L3MBTL3: variants seen among roughly 807,000 people sequenced by gnomAD.
L3MBTL3 encodes L3MBTL histone methyl-lysine binding protein 3, also known as lethal(3)malignant brain tumor-like protein 3.
In L3MBTL3, 27 loss-of-function variants were observed where a neutral mutation model predicts 102.3. That is an observed-to-expected ratio of 0.26 (90% confidence interval 0.19 to 0.36). The LOEUF (loss-of-function observed/expected upper bound fraction) is 0.36, where lower values mean the gene tolerates loss of function less well. L3MBTL3 is among the 10% of genes least tolerant of loss of function. The pLI, the probability that L3MBTL3 is intolerant of heterozygous loss-of-function variation, is 1.00. For missense variants in L3MBTL3, 798 were observed against 955.3 expected (o/e 0.84, Z 2.17); for synonymous variants, 340 against 320.9 (o/e 1.06, Z -0.64).
At chr6:130,112,776 G>T (rs1785435700) in intron 19 of L3MBTL3, among the ~76,000 whole-genome samples, 1 of 152,130 alleles carries the variant, frequency 6.6e-6, no homozygotes, top group Non-Finnish European at 1.5e-5. Flanking sequence ...ACAGAGACTT[G>T]TCAAATGGGT....
Position 130,049,411 on chromosome 6 carries a change from G to A in L3MBTL3, c.214+18G>A, listed in dbSNP as rs371051922. ...TCAAGAAGGTAAGGATGGGTCATCT[G>A]CATTTTATTTCTTGCTTTTGAAAGA... On this transcript the variant is annotated intron_variant, in intron 4 of 22. Coordinates refer to ENST00000361794, the MANE Select transcript of L3MBTL3 (RefSeq NM_032438.4). 3.1e-5 allele frequency: 43 copies of A among 1,396,890 alleles called. No homozygotes were observed. The African/African-American group carries it at 5.5e-4, about 18-fold the overall frequency. 86.5% of individuals were successfully genotyped at this position (1,396,890 alleles called of 1,614,324 possible). A position where few individuals can be genotyped will look rare whatever the true frequency, so the allele number is the denominator to read the frequency against.
rs566848745 is a variant in L3MBTL3 at position 130,051,318 on chromosome 6, G to T, written c.359G>T (p.Cys120Phe). The T allele has an allele frequency of 1.2e-6, 2 of 1,612,556 alleles. No individual in the cohort carries two copies. The highest frequency in any genetic ancestry group is 1.3e-5 in the African/African-American group (1 of 75,002). Residue 120 changes from cysteine (C) to phenylalanine (F), a missense_variant, in exon 6 of 23, where the codon TGT (cysteine) becomes TTT (phenylalanine). Around this residue, in one of 4 missense-constraint regions of L3MBTL3, gnomAD observed 434 missense variants for 506.6 expected, o/e 0.86. Transcript: ENST00000361794. ...GTGAAAGTAGAAGGGCTTCAGTTCT[G>T]TGAGAACTGTTGTCAGTATGGCAAC... ...DPVKVEGLQF[C>F]ENCCQYGNVD...
intron 2 of L3MBTL3, among the ~76,000 whole-genome samples, chr6:130,035,674 G>C (rs1780013703): frequency 6.6e-6 from 1 of 152,174 alleles, no homozygotes; most frequent in African/African-American, 2.4e-5. Context: ...CAATGCCTTT[G>C]GTTGCAGCCA....
chr6:130,123,422 A>T (rs1478691002), intron 20 of L3MBTL3, among the ~76,000 whole-genome samples: 1 of 151,896 alleles, frequency 6.6e-6, no homozygotes, highest in African/African-American at 2.4e-5. Context: ...TTATTGTCTT[A>T]CTTTTTGTTA....
At chr6:130,098,531 C>T (rs1287351246) in intron 18 of L3MBTL3, among the ~76,000 whole-genome samples, 1 of 152,148 alleles carries the variant, frequency 6.6e-6, no homozygotes, top group African/African-American at 2.4e-5. Context: ...GTTCTTTTTA[C>T]ACAATAGGGG....
At chr6:130,068,242 G>A (rs1782393713) in intron 11 of L3MBTL3, 88 bp from the exon 12 acceptor site, 3 of 647,588 alleles carry the variant, frequency 4.6e-6, no homozygotes, top group Non-Finnish European at 5.6e-6. Context: ...GATTGATTTT[G>A]GCATGTTAGA....
intron 19 of L3MBTL3, among the ~76,000 whole-genome samples, chr6:130,113,645 A>G (rs1356775352): frequency 6.6e-6 from 1 of 152,242 alleles, no homozygotes; most frequent in East Asian, 1.9e-4. Context: ...CAGTCTGTTC[A>G]GTTCATTATA....
intron 2 of L3MBTL3, among the ~76,000 whole-genome samples, chr6:130,038,780 C>G (rs1780222776): frequency 6.6e-6 from 1 of 151,876 alleles, no homozygotes; most frequent in Non-Finnish European, 1.5e-5. Flanking sequence ...TTCGTATAAT[C>G]CCAGTTGTCT....
chr6:130,031,241 A>G (rs1379045157), intron 2 of L3MBTL3, among the ~76,000 whole-genome samples: 1 of 152,236 alleles, frequency 6.6e-6, no homozygotes, highest in Non-Finnish European at 1.5e-5. Flanking sequence ...AAGCAGGTTC[A>G]GACTGGGAGC....
At chr6:130,082,497 C>T (rs188614603) in intron 14 of L3MBTL3, among the ~76,000 whole-genome samples, 258 of 152,214 alleles carry the variant, frequency 1.7e-3, no homozygotes, top group Middle Eastern at 0.014. Flanking sequence ...CATTATATAT[C>T]TTCATATTCA....
intron 13 of L3MBTL3, among the ~76,000 whole-genome samples, chr6:130,073,581 T>G (rs929486786): frequency 2.0e-5 from 3 of 152,176 alleles, no homozygotes; most frequent in African/African-American, 7.2e-5. Context: ...CTCATAAGTA[T>G]TACAGTGTTT....
chr6:130,019,730 T>G (rs897764850), intron 1 of L3MBTL3, among the ~76,000 whole-genome samples: 1 of 150,936 alleles, frequency 6.6e-6, no homozygotes. Flanking sequence ...GAGAATTTCA[T>G]ATAGATCAGC....
At chr6:130,082,782 G>A (rs1273877382) in intron 14 of L3MBTL3, among the ~76,000 whole-genome samples, 1 of 152,102 alleles carries the variant, frequency 6.6e-6, no homozygotes, top group African/African-American at 2.4e-5. Flanking sequence ...ATATAGCTAG[G>A]AAATACATGT....
At chr6:130,083,409 A>G (rs925340540) in intron 14 of L3MBTL3, among the ~76,000 whole-genome samples, 3 of 151,900 alleles carry the variant, frequency 2.0e-5, no homozygotes, top group African/African-American at 7.2e-5. Flanking sequence ...ATATATCTAT[A>G]AAATTTTCAT....
chr6:130,128,264 C>A (rs146554612), intron 20 of L3MBTL3, among the ~76,000 whole-genome samples: 1 of 152,200 alleles, frequency 6.6e-6, no homozygotes, highest in Non-Finnish European at 1.5e-5. Flanking sequence ...AGGCTTATTT[C>A]TCTTCCACAT....
chr6:130,091,140 T>C (rs1784013493), intron 16 of L3MBTL3, among the ~76,000 whole-genome samples: 2 of 152,178 alleles, frequency 1.3e-5, no homozygotes, highest in Non-Finnish European at 2.9e-5. Context: ...GTAATCAAAT[T>C]GATCAGTCTT....
chr6:130,019,980 G>GGCGGCGGCGGTC (rs557177188), intron 1 of L3MBTL3, among the ~76,000 whole-genome samples: 5 of 133,096 alleles, frequency 3.8e-5, no homozygotes, highest in African/African-American at 1.3e-4. Flanking sequence ...GTCGGGAGGC[G>GGCGGCGGCGGTC]GCGGCGGCGG....
At chr6:130,076,986 A>T (rs941740509) in intron 13 of L3MBTL3, among the ~76,000 whole-genome samples, 1 of 152,154 alleles carries the variant, frequency 6.6e-6, no homozygotes, top group Non-Finnish European at 1.5e-5. Context: ...CCTTAATTGC[A>T]ATTTGTATAT....
intron 22 of L3MBTL3, chr6:130,138,371 G>A (rs1327832675): frequency 2.6e-5 from 4 of 152,312 alleles, no homozygotes; most frequent in Non-Finnish European, 1.5e-5. Context: ...CCCGAGGGCT[G>A]TGAGGAAAGA....
Sources: allele counts gnomAD v4.1 joint callset (sites outside exome capture counted in the v4.1 genomes callset), GRCh38; gene constraint gnomAD v4.1.1; regional missense constraint gnomAD v4.1.1; transcripts MANE v1.5; gene names NCBI Gene and HGNC (gene_info 2026-07-23, HGNC 2026-07-21).